ITSN1: variants seen among roughly 807,000 people sequenced by gnomAD.
The protein encoded by ITSN1 is intersectin 1.
In ITSN1, 58 loss-of-function variants were observed where a neutral mutation model predicts 239.8. The observed-to-expected ratio is 0.24, with a 90% CI of 0.20 to 0.30. The LOEUF (loss-of-function observed/expected upper bound fraction) is 0.30, where lower values mean the gene tolerates loss of function less well. ITSN1 is among the 10% of genes least tolerant of loss of function. The pLI, the probability that ITSN1 is intolerant of heterozygous loss-of-function variation, is 1.00. For synonymous variants in ITSN1, 780 were observed against 770.8 expected (o/e 1.01, Z -0.20); for missense variants, 1,558 against 2,103.3 (o/e 0.74, Z 5.07).
chr21:33,781,848 G>A (rs1481175785), intron 15 of ITSN1, 146 bp from the exon 16 acceptor site: 3 of 762,552 alleles, frequency 3.9e-6, no homozygotes, highest in Non-Finnish European at 6.2e-6. Flanking sequence ...CAAAGTGCTG[G>A]GATTACAGGT....
At chr21:33,654,170 C>T (rs1357169806) in intron 1 of ITSN1, among the ~76,000 whole-genome samples, 1 of 151,988 alleles carries the variant, frequency 6.6e-6, no homozygotes, top group Admixed American at 6.6e-5. Flanking sequence ...CCTCAGCCTC[C>T]CAAGTAGCTT....
chr21:33,769,406 T>C (rs934514229), intron 11 of ITSN1, among the ~76,000 whole-genome samples: 2 of 152,184 alleles, frequency 1.3e-5, no homozygotes, highest in African/African-American at 4.8e-5. Flanking sequence ...TAAATTGAGA[T>C]GAGATTCACA....
intron 39 of ITSN1, among the ~76,000 whole-genome samples, 159 bp from the exon 40 acceptor site, chr21:33,887,993 G>T (rs543186829): frequency 6.6e-6 from 1 of 152,104 alleles, no homozygotes; most frequent in South Asian, 2.1e-4. Context: ...TGGCAACTCC[G>T]CTGGGGAGCG....
chr21:33,819,148 A>T, intron 23 of ITSN1, 93 bp from the exon 24 acceptor site: 2 of 948,634 alleles, frequency 2.1e-6, no homozygotes, highest in East Asian at 2.5e-5. Context: ...TTAAAGTTTT[A>T]AAAGTTAAGC....
At chr21:33,840,854 T>C (rs1029190079) in intron 29 of ITSN1, among the ~76,000 whole-genome samples, 5 of 152,254 alleles carry the variant, frequency 3.3e-5, no homozygotes, top group African/African-American at 9.6e-5. Flanking sequence ...TATTGGTCTG[T>C]GTAAATATAT....
At chr21:33,739,430 T>G (rs150490225) in intron 5 of ITSN1, among the ~76,000 whole-genome samples, 30 of 152,316 alleles carry the variant, frequency 2.0e-4, no homozygotes, top group African/African-American at 7.0e-4. Context: ...AAGCCCCTAC[T>G]GTGTGTCCTA....
chr21:33,784,865 C>T (rs2070524992), intron 16 of ITSN1, among the ~76,000 whole-genome samples: 1 of 152,194 alleles, frequency 6.6e-6, no homozygotes, highest in South Asian at 2.1e-4. Context: ...GAGCCAGTCT[C>T]CTGACTCTTG....
intron 29 of ITSN1, among the ~76,000 whole-genome samples, chr21:33,847,890 G>A (rs1045637704): frequency 9.2e-5 from 14 of 152,182 alleles, no homozygotes; most frequent in East Asian, 1.9e-4. Context: ...GGAACCACAC[G>A]GGAGCTTTGC....
At chr21:33,867,061 G>T (rs900765549) in intron 32 of ITSN1, among the ~76,000 whole-genome samples, 172 bp from the exon 33 acceptor site, 1 of 152,136 alleles carries the variant, frequency 6.6e-6, no homozygotes, top group African/African-American at 2.4e-5. Context: ...CATCTGGAAA[G>T]TGTGTCATCC....
intron 23 of ITSN1, 137 bp downstream of exon 23, chr21:33,818,609 G>A: frequency 1.4e-6 from 1 of 717,568 alleles, no homozygotes; most frequent in Admixed American, 2.6e-5. Flanking sequence ...AAAAGTTATA[G>A]TATATAGAGT....
chr21:33,806,217 A>G (rs1012339083), intron 20 of ITSN1, among the ~76,000 whole-genome samples: 3 of 152,030 alleles, frequency 2.0e-5, no homozygotes, highest in African/African-American at 7.2e-5. Context: ...TCCAAAAAAC[A>G]AAGACTTTTA....
rs1184320647 is a variant in ITSN1 at position 33,896,277 on chromosome 21, C to T, written c.*7977C>T. 3.9e-5 allele frequency: 6 copies of T among 152,292 alleles called. No homozygotes were observed. Among genetic ancestry groups the T allele is most frequent in the Non-Finnish European group, 7.3e-5 (5 of 68,084 alleles). The allele number at this position is 152,292 out of a possible 1,614,324, so 9.4% of individuals were successfully genotyped here. On this transcript the variant is annotated 3_prime_UTR_variant, in exon 40 of 40. Transcript: ENST00000381318. ...GGATGGGCCACAGGGCGTCAAGCAG[C>T]TGTGAGCCTTTACCATTGAGCTCAC...
At chr21:33,742,681 C>T (rs1002215093) in intron 5 of ITSN1, among the ~76,000 whole-genome samples, 1 of 152,068 alleles carries the variant, frequency 6.6e-6, no homozygotes, top group Non-Finnish European at 1.5e-5. Context: ...GGGCTTCATA[C>T]TCAGGAAAAA....
At chr21:33,825,598 G>A (rs2073934665) in intron 25 of ITSN1, among the ~76,000 whole-genome samples, 1 of 152,176 alleles carries the variant, frequency 6.6e-6, no homozygotes, top group Non-Finnish European at 1.5e-5. Context: ...GTTTTTCAAA[G>A]GGAGCACATT....
chr21:33,856,042 A>G (rs11702679), intron 29 of ITSN1, among the ~76,000 whole-genome samples: 5,637 of 152,276 alleles, frequency 0.037, 114 homozygotes, highest in Non-Finnish European at 0.056. Flanking sequence ...TGCCTTCACC[A>G]CTTCCAAGCT....
At chr21:33,678,643 A>G (rs530167606) in intron 1 of ITSN1, among the ~76,000 whole-genome samples, 4 of 152,176 alleles carry the variant, frequency 2.6e-5, no homozygotes, top group Non-Finnish European at 1.5e-5. Flanking sequence ...AAGCCTGAAG[A>G]TGATTTTCTT....
At chr21:33,806,976 G>C (rs558145639) in intron 20 of ITSN1, among the ~76,000 whole-genome samples, 2 of 152,058 alleles carry the variant, frequency 1.3e-5, no homozygotes, top group Non-Finnish European at 2.9e-5. Context: ...GTTGACCTTT[G>C]TGCCCTTTCT....
chr21:33,684,479 T>C (rs2091136141), intron 1 of ITSN1, among the ~76,000 whole-genome samples: 1 of 152,186 alleles, frequency 6.6e-6, no homozygotes, highest in African/African-American at 2.4e-5. Context: ...AAAAGTTCAG[T>C]TTAATCTAAG....
intron 1 of ITSN1, among the ~76,000 whole-genome samples, chr21:33,653,679 C>T (rs1297194419): frequency 2.0e-5 from 3 of 152,010 alleles, no homozygotes; most frequent in Admixed American, 6.6e-5. Context: ...TCAGCCACCA[C>T]GCCCAGCTAA....
Sources: gnomAD v4.1 joint callset for allele counts (sites outside exome capture counted in the v4.1 genomes callset) on GRCh38, gnomAD v4.1.1 for gene constraint, MANE v1.5 for transcripts, NCBI Gene and HGNC (gene_info 2026-07-23, HGNC 2026-07-21) for gene names.